CTNNA3: variants seen among roughly 807,000 people sequenced by gnomAD.
CTNNA3 encodes catenin alpha 3, also known as catenin alpha-3.
Under a neutral mutation model 95.7 loss-of-function variants are expected in CTNNA3, and 76 were observed. The ratio of observed to expected loss-of-function variants is 0.79; its 90% CI spans 0.66 to 0.96. The LOEUF (loss-of-function observed/expected upper bound fraction) is 0.96. Ranked by LOEUF, CTNNA3 falls within the 40% of genes least tolerant of loss-of-function variation. The pLI is 0.00. For synonymous variants in CTNNA3, 431 were observed against 374.4 expected (o/e 1.15, Z -1.74); for missense variants, 1,191 against 1,089.8 (o/e 1.09, Z -1.31).
At chr10:65,980,235 T>A (rs942500794) in intron 16 of CTNNA3, among the ~76,000 whole-genome samples, 2 of 151,870 alleles carry the variant, frequency 1.3e-5, no homozygotes, top group Non-Finnish European at 2.9e-5. Context: ...AGGAGATGAA[T>A]AAATTCCTGG....
At chr10:67,072,334 C>T (rs1234735438) in intron 7 of CTNNA3, among the ~76,000 whole-genome samples, 1 of 152,092 alleles carries the variant, frequency 6.6e-6, no homozygotes, top group Non-Finnish European at 1.5e-5. Flanking sequence ...CTTTTAAGTC[C>T]TTGCCAGTTA....
intron 7 of CTNNA3, among the ~76,000 whole-genome samples, chr10:66,953,147 C>T (rs1175320823): frequency 6.6e-6 from 1 of 152,130 alleles, no homozygotes; most frequent in Non-Finnish European, 1.5e-5. Flanking sequence ...ATAAACCTGA[C>T]CCAGTTGAGC....
chr10:66,759,321 C>T (rs960294381), intron 9 of CTNNA3, among the ~76,000 whole-genome samples: 7 of 152,168 alleles, frequency 4.6e-5, no homozygotes, highest in Non-Finnish European at 8.8e-5. Flanking sequence ...CAGTGGAACA[C>T]TTCTTTTACA....
At chr10:66,787,487 T>C (rs1050049631) in intron 7 of CTNNA3, among the ~76,000 whole-genome samples, 14 of 152,220 alleles carry the variant, frequency 9.2e-5, no homozygotes, top group African/African-American at 3.4e-4. Context: ...CTTTTCTCTT[T>C]CTCCTTCTGC....
At chr10:66,604,547 C>T (rs76904667) in intron 10 of CTNNA3, among the ~76,000 whole-genome samples, 10 of 152,232 alleles carry the variant, frequency 6.6e-5, no homozygotes, top group African/African-American at 2.2e-4. Context: ...TGACACCACC[C>T]ATCAGAGAGT....
chr10:66,504,767 T>C (rs968317634), intron 11 of CTNNA3, among the ~76,000 whole-genome samples: 5 of 152,208 alleles, frequency 3.3e-5, no homozygotes, highest in African/African-American at 9.6e-5. Flanking sequence ...GAGACTTCCT[T>C]TGACTCTCTA....
At chr10:66,183,168 T>C (rs1324236112) in intron 13 of CTNNA3, among the ~76,000 whole-genome samples, 2 of 152,230 alleles carry the variant, frequency 1.3e-5, no homozygotes, top group African/African-American at 4.8e-5. Flanking sequence ...GTCCATGCCC[T>C]AGCACAGGAT....
intron 10 of CTNNA3, among the ~76,000 whole-genome samples, chr10:66,549,292 G>A (rs943123752): frequency 6.6e-6 from 1 of 152,012 alleles, no homozygotes; most frequent in East Asian, 1.9e-4. Flanking sequence ...CACCACGCCC[G>A]GCCGCCTTTC....
intron 12 of CTNNA3, among the ~76,000 whole-genome samples, chr10:66,341,167 AGAT>A: frequency 6.6e-6 from 1 of 152,032 alleles, no homozygotes; most frequent in African/African-American, 2.4e-5. Context: ...AGATGAAACA[AGAT>A]GATAAAACCA....
At chr10:66,724,469 C>T (rs908147992) in intron 9 of CTNNA3, among the ~76,000 whole-genome samples, 12 of 151,986 alleles carry the variant, frequency 7.9e-5, no homozygotes, top group African/African-American at 2.9e-4. Flanking sequence ...TATATTTGGC[C>T]CTGGAATGTG....
At chr10:66,746,884 T>C (rs896751910) in intron 9 of CTNNA3, among the ~76,000 whole-genome samples, 22 of 148,414 alleles carry the variant, frequency 1.5e-4, no homozygotes, top group South Asian at 6.4e-4. Flanking sequence ...TGTGTGTGTG[T>C]GCGTGCACAC....
At chr10:66,434,720 G>C (rs2093324621) in intron 11 of CTNNA3, among the ~76,000 whole-genome samples, 1 of 152,206 alleles carries the variant, frequency 6.6e-6, no homozygotes, top group African/African-American at 2.4e-5. Flanking sequence ...CCTTGCCTGT[G>C]CTGGTTTTCA....
intron 7 of CTNNA3, among the ~76,000 whole-genome samples, chr10:67,143,980 C>A (rs530241909): frequency 1.3e-5 from 2 of 152,330 alleles, no homozygotes; most frequent in Admixed American, 1.3e-4. Context: ...CAGCGAGTAT[C>A]GCCTTACAAA....
chr10:67,209,055 T>C (rs1864027350), intron 6 of CTNNA3, among the ~76,000 whole-genome samples: 1 of 152,038 alleles, frequency 6.6e-6, no homozygotes, highest in Non-Finnish European at 1.5e-5. Context: ...TTGTTGTTGT[T>C]GTTGTTGTTG....
intron 9 of CTNNA3, among the ~76,000 whole-genome samples, chr10:66,765,340 G>C (rs4495783): frequency 0.85 from 129,384 of 152,190 alleles, 55,300 homozygotes; most frequent in East Asian, 1. Context: ...AAACATATTT[G>C]ACCACAGAAT....
intron 11 of CTNNA3, among the ~76,000 whole-genome samples, chr10:66,483,813 C>T (rs1396166811): frequency 6.6e-6 from 1 of 151,966 alleles, no homozygotes; most frequent in Non-Finnish European, 1.5e-5. Flanking sequence ...AAGACTAAGC[C>T]AGATGGGGCT....
intron 1 of CTNNA3, among the ~76,000 whole-genome samples, chr10:67,722,665 T>C (rs1011500240): frequency 3.3e-5 from 5 of 152,182 alleles, no homozygotes; most frequent in Non-Finnish European, 5.9e-5. Context: ...AGAAATGCTA[T>C]CTGAAAGAAA....
chr10:67,392,397 C>T (rs1844534699), intron 5 of CTNNA3, among the ~76,000 whole-genome samples: 1 of 152,142 alleles, frequency 6.6e-6, no homozygotes, highest in African/African-American at 2.4e-5. Flanking sequence ...ATTAAAAAGT[C>T]AGGAAACAAC....
chr10:66,797,796 AT>A (rs1173141687), intron 7 of CTNNA3, among the ~76,000 whole-genome samples: 2 of 151,080 alleles, frequency 1.3e-5, no homozygotes, highest in Admixed American at 1.3e-4. Context: ...TCCTCAGTCA[AT>A]TTTTTTTTCA....
Sources: allele counts gnomAD v4.1 joint callset (sites outside exome capture counted in the v4.1 genomes callset), GRCh38; gene constraint gnomAD v4.1.1; transcripts MANE v1.5; gene names NCBI Gene and HGNC (gene_info 2026-07-23, HGNC 2026-07-21).